The following SCN1A variants were observed in gnomAD, a reference collection of about 807,000 sequenced individuals.
The protein encoded by SCN1A is sodium channel protein type 1 subunit alpha.
A neutral mutation model predicts 193.7 loss-of-function variants in SCN1A; 13 were observed. That is an observed-to-expected ratio of 0.07 (90% CI 0.04 to 0.11). SCN1A has a LOEUF of 0.11. SCN1A is among the 10% of genes least tolerant of loss of function. The pLI is 1.00. For synonymous variants in SCN1A, 781 were observed against 843.6 expected, an observed-to-expected ratio of 0.93 and a Z score of 1.29; for missense variants, 1,432 against 2,451.1, an observed-to-expected ratio of 0.58 and a Z score of 8.78.
At chr2:166,013,998 C>T in intron 20 of SCN1A, 100 bp from the exon 21 acceptor site, 1 of 1,377,322 alleles carries the variant, frequency 7.3e-7, no homozygotes, top group South Asian at 1.2e-5. Context: ...ATGCTCATCT[C>T]TGTCTTGCTA....
At chr2:166,046,139 G>A (rs1697798465) in intron 12 of SCN1A, among the ~76,000 whole-genome samples, 1 of 152,146 alleles carries the variant, frequency 6.6e-6, no homozygotes, top group Non-Finnish European at 1.5e-5. Flanking sequence ...CAATAAGTTT[G>A]TATGCTAAAC....
At chr2:166,086,576 C>A (rs887666174) in intron 2 of SCN1A, among the ~76,000 whole-genome samples, 5 of 152,058 alleles carry the variant, frequency 3.3e-5, no homozygotes, top group Admixed American at 2.0e-4. Flanking sequence ...TTCCTTTTTC[C>A]CTCCCTTGAA....
At position 166,047,945 on chromosome 2, in the gene SCN1A, G is replaced by A. The variant is rs77256975; in HGVS notation, c.1029-177C>T. 0.026 allele frequency among the ~76,000 whole-genome samples: 3,987 copies of A among 152,106 alleles called. 202 individuals are homozygous for A. Among genetic ancestry groups the A allele is most frequent in the African/African-American group, 0.092 (3,813 of 41,476 alleles). ...CATATAGTCTTATTAGCTACTTGGT[G>A]TCATCATTAAAATATGGTGCAGCAT... On this transcript the variant is annotated intron_variant, in intron 10 of 28. Transcript: ENST00000674923.
At chr2:166,068,647 A>C (rs1432927089) in intron 4 of SCN1A, among the ~76,000 whole-genome samples, 1 of 152,212 alleles carries the variant, frequency 6.6e-6, no homozygotes, top group Non-Finnish European at 1.5e-5. Context: ...CCAATTTAAC[A>C]ACTAAAAACT....
chr2:166,090,485 A>G (rs1313321348), intron 2 of SCN1A, among the ~76,000 whole-genome samples: 2 of 152,348 alleles, frequency 1.3e-5, no homozygotes, highest in Middle Eastern at 3.4e-3. Context: ...TAATCTTACA[A>G]GTGATGCAAT....
intron 19 of SCN1A, among the ~76,000 whole-genome samples, chr2:166,022,385 A>T (rs73969773): frequency 6.6e-6 from 1 of 151,124 alleles, no homozygotes; most frequent in Admixed American, 6.6e-5. Context: ...ACTAGTAACT[A>T]GGTGGGGGGC....
intron 22 of SCN1A, 98 bp downstream of exon 22, chr2:166,012,011 T>A: frequency 9.2e-7 from 1 of 1,084,388 alleles, no homozygotes; most frequent in Non-Finnish European, 1.4e-6. Flanking sequence ...TTATAGTCTG[T>A]CAACATAACA....
At position 166,063,352 on chromosome 2, in the gene SCN1A, T is replaced by C. The variant is rs115368404; in HGVS notation, c.265-4664A>G. ...TAGGGTTGTTCTAGCTTGTCACTTA[T>C]GTCTTCATATACAGGTACCAAGTTT... On this transcript the variant is annotated intron_variant, in intron 4 of 28. Transcript: ENST00000674923. Among the ~76,000 whole-genome samples, 432 of 152,238 alleles carry C rather than the reference T, an allele frequency of 2.8e-3. 2 individuals are homozygous for C. The highest frequency in any genetic ancestry group is 1.0e-2 in the African/African-American group (415 of 41,572).
intron 19 of SCN1A, among the ~76,000 whole-genome samples, chr2:166,034,198 T>C (rs1267956248): frequency 6.6e-6 from 1 of 152,188 alleles, no homozygotes; most frequent in Non-Finnish European, 1.5e-5. Flanking sequence ...TATATTTCTT[T>C]CCCTTCTCTC....
chr2:166,106,933 C>G (rs988498947), intron 2 of SCN1A, among the ~76,000 whole-genome samples: 14 of 151,964 alleles, frequency 9.2e-5, no homozygotes, highest in African/African-American at 3.4e-4. Context: ...GGTTAGCTAC[C>G]AAAGAGAGCT....
At chr2:166,147,889 A>G (rs1471511254) in intron 1 of SCN1A, among the ~76,000 whole-genome samples, 1 of 152,206 alleles carries the variant, frequency 6.6e-6, no homozygotes, top group African/African-American at 2.4e-5. Flanking sequence ...CATTCCTTTA[A>G]TTTAATTTTT....
intron 25 of SCN1A, among the ~76,000 whole-genome samples, chr2:165,998,530 G>A (rs1690403245): frequency 1.3e-5 from 2 of 151,138 alleles, no homozygotes; most frequent in Non-Finnish European, 3.0e-5. Context: ...TACAGGCTAG[G>A]TTTAGAAACA....
intron 19 of SCN1A, among the ~76,000 whole-genome samples, chr2:166,033,810 G>A (rs1429997035): frequency 6.6e-6 from 1 of 151,850 alleles, no homozygotes; most frequent in Non-Finnish European, 1.5e-5. Context: ...TATATCTTAT[G>A]GATGGTCTTT....
chr2:165,991,028 A>G lies in SCN1A; in HGVS notation c.*217T>C, dbSNP rs1249344340. ...TCTTCAGCAGTGTCAGCTGGTAGTG[A>G]GAACAGTAACCTCCTGTCAAGGTCA... On this transcript the variant is annotated 3_prime_UTR_variant, in exon 29 of 29. Transcript: ENST00000674923. 3 of 548,390 alleles carry G rather than the reference A, an allele frequency of 5.5e-6. No homozygotes were observed. The East Asian group carries it at 9.3e-5, about 17-fold the overall frequency. 34.0% of individuals were successfully genotyped at this position (548,390 alleles called of 1,614,324 possible).
chr2:166,138,407 T>A (rs1691948996), intron 1 of SCN1A, among the ~76,000 whole-genome samples: 1 of 152,208 alleles, frequency 6.6e-6, no homozygotes, highest in South Asian at 2.1e-4. Context: ...TCCCATGCTG[T>A]ATGCAGCCTA....
Position 166,032,202 on chromosome 2 carries a change from T to TACACACACACACACACACACAC in SCN1A, c.3429+3824_3429+3845dup. Among the ~76,000 whole-genome samples the TACACACACACACACACACACAC allele has an allele frequency of 9.9e-4, 76 of 76,892 alleles. 2 individuals are homozygous for TACACACACACACACACACACAC. Among genetic ancestry groups the TACACACACACACACACACACAC allele is most frequent in the Non-Finnish European group, 1.3e-3 (57 of 43,780 alleles). The allele number at this position is 76,892 out of a possible 152,430, so 50.4% of individuals were successfully genotyped here. ...ATTCATACTTAAAGGTTGAAAGTCA[T>TACACACACACACACACACACAC]ACACACACACACACACACACACACA... On this transcript the variant is annotated intron_variant, in intron 19 of 28. Coordinates refer to ENST00000674923, the MANE Select transcript of SCN1A (RefSeq NM_001165963.4).
intron 19 of SCN1A, among the ~76,000 whole-genome samples, chr2:166,034,867 A>G (rs1203905886): frequency 2.0e-5 from 3 of 152,146 alleles, no homozygotes; most frequent in Non-Finnish European, 4.4e-5. Context: ...AGGCCATGTG[A>G]GGACGCAGCA....
chr2:166,119,903 C>T (rs1392577897), intron 2 of SCN1A, among the ~76,000 whole-genome samples: 2 of 151,808 alleles, frequency 1.3e-5, no homozygotes, highest in African/African-American at 4.8e-5. Flanking sequence ...CACTTTTATT[C>T]TAGTTTTTAA....
chr2:166,084,727 C>T (rs1386254863), intron 2 of SCN1A, among the ~76,000 whole-genome samples: 1 of 152,094 alleles, frequency 6.6e-6, no homozygotes, highest in African/African-American at 2.4e-5. Context: ...CAAATCCTTT[C>T]AGGACTCATG....
Sources: gnomAD v4.1 joint callset for allele counts (sites outside exome capture counted in the v4.1 genomes callset) on GRCh38, gnomAD v4.1.1 for gene constraint, MANE v1.5 for transcripts, NCBI Gene and HGNC (gene_info 2026-07-23, HGNC 2026-07-21) for gene names.